NCAM2: variants seen among roughly 807,000 people sequenced by gnomAD.
The protein encoded by NCAM2 is N-CAM-2.
NCAM2 carries 30 observed loss-of-function variants against 98.1 expected under a neutral mutation model. The observed-to-expected ratio is 0.31, with a 90% CI of 0.23 to 0.41. The LOEUF is 0.41. NCAM2 is among the 10% of genes least tolerant of loss of function. NCAM2 has a pLI of 1.00. For synonymous variants in NCAM2, 368 were observed against 342.4 expected, an observed-to-expected ratio of 1.07 and a Z score of -0.83; for missense variants, 867 against 1,005.8, an observed-to-expected ratio of 0.86 and a Z score of 1.87.
chr21:21,537,836 T>A lies in NCAM2; in HGVS notation c.2403-10T>A, dbSNP rs896835316. The A allele has an allele frequency of 7.1e-7, 1 of 1,399,808 alleles. No individual in the cohort carries two copies. The highest frequency in any genetic ancestry group is 2.0e-5 in the Admixed American group (1 of 48,820). 86.7% of individuals were successfully genotyped at this position (1,399,808 alleles called of 1,614,324 possible). A position where few individuals can be genotyped will look rare whatever the true frequency, so the allele number is the denominator to read the frequency against. ...TCAGAAAATGAAGCTTATTATTTTT[T>A]ATCTTCCAGAAAATTGCCTTTAAAG... On this transcript the variant is annotated splice_polypyrimidine_tract_variant and intron_variant, in intron 17 of 17. Coordinates refer to ENST00000400546, the MANE Select transcript of NCAM2 (RefSeq NM_004540.5).
intron 12 of NCAM2, among the ~76,000 whole-genome samples, chr21:21,433,967 C>T (rs1357502146): frequency 1.3e-5 from 2 of 152,192 alleles, no homozygotes; most frequent in East Asian, 1.9e-4. Flanking sequence ...TGCTGCTGCA[C>T]CCTAGCCCTG....
chr21:21,408,913 G>A (rs1047970612), intron 9 of NCAM2, among the ~76,000 whole-genome samples: 7 of 149,608 alleles, frequency 4.7e-5, no homozygotes, highest in Non-Finnish European at 7.5e-5. Context: ...TTGTACTACA[G>A]ATAAGTTACA....
chr21:21,081,725 C>T (rs1601312798), intron 1 of NCAM2, among the ~76,000 whole-genome samples: 2 of 151,868 alleles, frequency 1.3e-5, no homozygotes, highest in South Asian at 2.1e-4. Flanking sequence ...TGCTTGAACC[C>T]AGGAGGTGGA....
chr21:21,101,033 CA>C (rs1265564021), intron 1 of NCAM2, among the ~76,000 whole-genome samples: 1 of 210 alleles, frequency 4.8e-3, no homozygotes, highest in East Asian at 0.083. Context: ...TTTGAGGACA[CA>C]CCTGTGTATG....
chr21:21,166,227 AG>A (rs1285267774), intron 1 of NCAM2, among the ~76,000 whole-genome samples: 1 of 152,158 alleles, frequency 6.6e-6, no homozygotes, highest in Admixed American at 6.5e-5. Flanking sequence ...TAATTTTTTG[AG>A]ACGGAGTCTC....
At chr21:21,196,477 T>A (rs987818520) in intron 1 of NCAM2, among the ~76,000 whole-genome samples, 7 of 152,334 alleles carry the variant, frequency 4.6e-5, no homozygotes, top group Non-Finnish European at 7.4e-5. Flanking sequence ...CAGGGGTTGA[T>A]TCTTGAGCAC....
chr21:21,157,964 G>A (rs527244159), intron 1 of NCAM2, among the ~76,000 whole-genome samples: 3 of 152,198 alleles, frequency 2.0e-5, no homozygotes, highest in Admixed American at 6.5e-5. Flanking sequence ...GAACCAAGTA[G>A]GTGAAAGATT....
intron 1 of NCAM2, among the ~76,000 whole-genome samples, chr21:21,265,618 A>G (rs1031794168): frequency 2.6e-5 from 4 of 151,294 alleles, no homozygotes; most frequent in Non-Finnish European, 4.4e-5. Context: ...TCACAGTAAC[A>G]TGGAGCTAGA....
chr21:21,069,939 TG>T (rs527871690), intron 1 of NCAM2, among the ~76,000 whole-genome samples: 50 of 152,168 alleles, frequency 3.3e-4, no homozygotes, highest in Non-Finnish European at 6.5e-4. Context: ...TTTCTATTGT[TG>T]CTTTTAAAAC....
chr21:21,003,539 G>A (rs2064058390), intron 1 of NCAM2, among the ~76,000 whole-genome samples: 1 of 152,084 alleles, frequency 6.6e-6, no homozygotes, highest in Non-Finnish European at 1.5e-5. Flanking sequence ...TCGGCCATGA[G>A]GAGCAATTGT....
At chr21:21,029,176 A>C (rs769461069) in intron 1 of NCAM2, among the ~76,000 whole-genome samples, 1 of 152,228 alleles carries the variant, frequency 6.6e-6, no homozygotes, top group Non-Finnish European at 1.5e-5. Flanking sequence ...CTTTTACACA[A>C]ATATTTACAA....
rs34765240 is a variant in NCAM2 at position 21,448,507 on chromosome 21, AAAATAAAT to A, written c.1654+16249_1654+16256del. Among the ~76,000 whole-genome samples the A allele has an allele frequency of 3.8e-4, 57 of 151,522 alleles. No homozygotes were observed. The East Asian group carries it at 4.7e-3, about 12-fold the overall frequency. On this transcript the variant is annotated intron_variant, in intron 12 of 17. Coordinates refer to ENST00000400546, the MANE Select transcript of NCAM2 (RefSeq NM_004540.5). ...GCACCTGTATCCTGGAAATTGAAGTAAAATAAATAAATAAATAAATAAATAAATAAGTA... is the reference window on the plus strand; with the variant it reads ...GCACCTGTATCCTGGAAATTGAAGTAAAATAAATAAATAAATAAATAAGTA...
At position 21,542,228 on chromosome 21, in the gene NCAM2, G is replaced by C. The variant is rs1990258904; in HGVS notation, c.*4271G>C. ...CTTCCAGCTCCCATCCTTCCTTTTT[G>C]AAAAATTGAATTTACCCATGTAGAT... On this transcript the variant is annotated 3_prime_UTR_variant, in exon 18 of 18. Transcript: ENST00000400546. 1 of 151,476 alleles carries C rather than the reference G, an allele frequency of 6.6e-6. No individual in the cohort carries two copies. The highest frequency in any genetic ancestry group is 6.6e-5 in the Admixed American group (1 of 15,166). 9.4% of individuals were successfully genotyped at this position (151,476 alleles called of 1,614,324 possible).
chr21:21,384,915 C>T (rs999885464), intron 9 of NCAM2, among the ~76,000 whole-genome samples: 1 of 151,894 alleles, frequency 6.6e-6, no homozygotes, highest in African/African-American at 2.4e-5. Flanking sequence ...GTTAGATAAC[C>T]ATTTGGAATA....
chr21:21,479,608 A>AAAAAAAAAAAAAAAAAAAAATT (rs1491473437), intron 15 of NCAM2, among the ~76,000 whole-genome samples: 5 of 127,916 alleles, frequency 3.9e-5, no homozygotes, highest in Non-Finnish European at 5.3e-5. Flanking sequence ...AAAAAAAAAA[A>AAAAAAAAAAAAAAAAAAAAATT]TTGTTGATGA....
intron 1 of NCAM2, among the ~76,000 whole-genome samples, chr21:21,044,306 A>G (rs1449567053): frequency 6.6e-6 from 1 of 152,164 alleles, no homozygotes; most frequent in Non-Finnish European, 1.5e-5. Flanking sequence ...GATGATCTTG[A>G]AAAGTATGGT....
At chr21:21,420,945 CAAATT>C in intron 11 of NCAM2, among the ~76,000 whole-genome samples, 1 of 151,788 alleles carries the variant, frequency 6.6e-6, no homozygotes, top group Non-Finnish European at 1.5e-5. Context: ...ATTCACTACT[CAAATT>C]AATTCCAAGC....
intron 1 of NCAM2, among the ~76,000 whole-genome samples, chr21:21,008,088 G>T (rs898783972): frequency 2.0e-5 from 3 of 152,066 alleles, no homozygotes; most frequent in East Asian, 3.9e-4. Flanking sequence ...GAAATGCCAA[G>T]AACAGATTAT....
Position 21,459,066 on chromosome 21 carries a change from A to T in NCAM2, c.1655-7540A>T, listed in dbSNP as rs1231187334. Among the ~76,000 whole-genome samples the T allele has an allele frequency of 2.6e-5, 4 of 152,270 alleles. No homozygotes were observed. The East Asian group carries it at 5.8e-4, about 22-fold the overall frequency. On this transcript the variant is annotated intron_variant, in intron 12 of 17. Coordinates refer to ENST00000400546, the MANE Select transcript of NCAM2 (RefSeq NM_004540.5). Reference sequence around the variant, plus strand: ...CAGAATAGCTATTTCCCAAAAGGAGACATACACATGGCCAATAGGTATATG... The same window carrying T: ...CAGAATAGCTATTTCCCAAAAGGAGTCATACACATGGCCAATAGGTATATG...
Sources: gnomAD v4.1 joint callset for allele counts (sites outside exome capture counted in the v4.1 genomes callset) on GRCh38, gnomAD v4.1.1 for gene constraint, MANE v1.5 for transcripts, NCBI Gene and HGNC (gene_info 2026-07-23, HGNC 2026-07-21) for gene names.